TSPAN9: variants seen among roughly 807,000 people sequenced by gnomAD.
TSPAN9 encodes tetraspanin 9, also known as tetraspanin-9.
In TSPAN9, 16 loss-of-function variants were observed where a neutral mutation model predicts 31.0. That is an observed-to-expected ratio of 0.52 (90% confidence interval 0.35 to 0.78). TSPAN9 has a LOEUF of 0.78. Among genes scored for constraint, TSPAN9 ranks in the 30% least tolerant of loss-of-function variants. TSPAN9 has a pLI of 0.01. For missense variants in TSPAN9, 272 were observed against 312.5 expected, an observed-to-expected ratio of 0.87 and a Z score of 0.98; for synonymous variants, 145 against 121.6, an observed-to-expected ratio of 1.19 and a Z score of -1.27.
chr12:3,227,069 T>C (rs1416213301), intron 3 of TSPAN9, among the ~76,000 whole-genome samples: 2 of 151,772 alleles, frequency 1.3e-5, no homozygotes, highest in African/African-American at 4.8e-5. Flanking sequence ...TGGAACTGAA[T>C]CCTCGTCCCT....
At chr12:3,246,002 C>G (rs11062590) in intron 3 of TSPAN9, among the ~76,000 whole-genome samples, 24,182 of 151,848 alleles carry the variant, frequency 0.16, 2,872 homozygotes, top group African/African-American at 0.34. Flanking sequence ...AATAAATAAC[C>G]TGAGACTGGG....
intron 2 of TSPAN9, among the ~76,000 whole-genome samples, chr12:3,121,352 C>CTT (rs59198394): frequency 4.7e-4 from 51 of 108,296 alleles, no homozygotes; most frequent in Non-Finnish European, 6.9e-4. Flanking sequence ...GGGATGTTGG[C>CTT]TTTTTTTTTT....
intron 2 of TSPAN9, among the ~76,000 whole-genome samples, chr12:3,108,448 TAGC>T (rs2098315777): frequency 6.6e-6 from 1 of 152,206 alleles, no homozygotes; most frequent in Non-Finnish European, 1.5e-5. Context: ...CCTTTGAAGG[TAGC>T]ATGGCTTTTC....
chr12:3,102,435 A>ATTTTTTTTT (rs33918863), intron 2 of TSPAN9, among the ~76,000 whole-genome samples: 2,085 of 135,154 alleles, frequency 0.015, 78 homozygotes, highest in African/African-American at 0.055. Context: ...CCAAGGAGGA[A>ATTTTTTTTT]TTTTTTTTTT....
At chr12:3,255,402 C>T (rs1862327169) in intron 3 of TSPAN9, among the ~76,000 whole-genome samples, 1 of 152,200 alleles carries the variant, frequency 6.6e-6, no homozygotes, top group South Asian at 2.1e-4. Flanking sequence ...GTAATGGGAG[C>T]AGCGATCAGG....
Position 3,261,835 on chromosome 12 carries a change from G to A in TSPAN9, c.64-16586G>A, listed in dbSNP as rs74054948. Among the ~76,000 whole-genome samples, 1,505 of 152,322 alleles carry A rather than the reference G, an allele frequency of 9.9e-3. 21 individuals carry two copies. Among genetic ancestry groups the A allele is most frequent in the African/African-American group, 0.034 (1,414 of 41,568 alleles). ...CCAGTGTCCACAGACTGAGGACACT[G>A]GGCTTTGTGTGACTGTGAGGGCACC... On this transcript the variant is annotated intron_variant, in intron 3 of 8. Coordinates refer to ENST00000011898, the MANE Select transcript of TSPAN9 (RefSeq NM_006675.5).
Position 3,278,392 on chromosome 12 carries a change from C to T in TSPAN9, c.64-29C>T, listed in dbSNP as rs1398384325. ...CCATGGACGAATGTGAGAGCAGCGC[C>T]AGGCTAATGGGCTTTCCTTCCTTTC... On this transcript the variant is annotated intron_variant, in intron 3 of 8. Coordinates refer to ENST00000011898, the MANE Select transcript of TSPAN9 (RefSeq NM_006675.5). 5 of 1,612,058 alleles carry T rather than the reference C, an allele frequency of 3.1e-6. No homozygotes were observed. The South Asian group carries it at 4.4e-5, about 14-fold the overall frequency.
chr12:3,206,118 C>T (rs1276074819), intron 3 of TSPAN9, among the ~76,000 whole-genome samples: 1 of 152,184 alleles, frequency 6.6e-6, no homozygotes, highest in Non-Finnish European at 1.5e-5. Flanking sequence ...AGAAAACACC[C>T]TCCGGCCTGC....
chr12:3,189,855 G>A (rs577662290), intron 2 of TSPAN9, among the ~76,000 whole-genome samples: 9 of 152,220 alleles, frequency 5.9e-5, no homozygotes, highest in African/African-American at 1.9e-4. Context: ...CAGAGCAGCC[G>A]ATGGCAGTTC....
intron 2 of TSPAN9, among the ~76,000 whole-genome samples, chr12:3,128,059 G>A (rs998386720): frequency 1.3e-5 from 2 of 152,186 alleles, no homozygotes; most frequent in African/African-American, 2.4e-5. Context: ...TTTCAGCTCC[G>A]TTGTAATCTT....
intron 2 of TSPAN9, among the ~76,000 whole-genome samples, chr12:3,182,673 C>T (rs536502463): frequency 6.6e-6 from 1 of 152,314 alleles, no homozygotes; most frequent in South Asian, 2.1e-4. Flanking sequence ...AGACCTGCCC[C>T]TCAGGCTGTC....
At chr12:3,159,273 T>C (rs1003015237) in intron 2 of TSPAN9, among the ~76,000 whole-genome samples, 3 of 151,328 alleles carry the variant, frequency 2.0e-5, no homozygotes, top group Non-Finnish European at 2.9e-5. Context: ...AGCTGTGATT[T>C]GGGGCAAGCA....
chr12:3,142,529 T>C (rs1247555604), intron 2 of TSPAN9, among the ~76,000 whole-genome samples: 2 of 152,210 alleles, frequency 1.3e-5, no homozygotes, highest in East Asian at 1.9e-4. Flanking sequence ...CAGGGACAGC[T>C]GCCTGTGGTA....
At position 3,093,863 on chromosome 12, in the gene TSPAN9, C is replaced by G. The variant is rs563120438; in HGVS notation, c.-18+10144C>G. Reference sequence around the variant, plus strand: ...TGCTTTGTTTTATTGTTAATTTGTACTTATTTATTTATTTTTAAAGACAGG... The same window carrying G: ...TGCTTTGTTTTATTGTTAATTTGTAGTTATTTATTTATTTTTAAAGACAGG... On this transcript the variant is annotated intron_variant, in intron 2 of 8. Coordinates refer to ENST00000011898, the MANE Select transcript of TSPAN9 (RefSeq NM_006675.5). 1.4e-3 allele frequency among the ~76,000 whole-genome samples: 219 copies of G among 152,110 alleles called. 1 individual carries two copies. Among genetic ancestry groups the G allele is most frequent in the Non-Finnish European group, 2.5e-3 (170 of 68,010 alleles).
chr12:3,211,607 T>A (rs1302146462), intron 3 of TSPAN9: 62 of 1,108,912 alleles, frequency 5.6e-5, no homozygotes, highest in Non-Finnish European at 7.8e-5. Context: ...TTTTTTTTTT[T>A]TATCCAAAAT....
chr12:3,127,117 C>A (rs1441939471), intron 2 of TSPAN9, among the ~76,000 whole-genome samples: 1 of 151,112 alleles, frequency 6.6e-6, no homozygotes, highest in Non-Finnish European at 1.5e-5. Context: ...AAATATTTTT[C>A]TGGCCAGGTG....
chr12:3,211,766 T>A (rs1030091000), intron 3 of TSPAN9: 2 of 1,597,740 alleles, frequency 1.3e-6, no homozygotes, highest in Admixed American at 3.3e-5. Context: ...AACTACTGTT[T>A]GTGCATGGCT....
At chr12:3,094,739 T>C (rs1040306103) in intron 2 of TSPAN9, among the ~76,000 whole-genome samples, 1 of 151,876 alleles carries the variant, frequency 6.6e-6, no homozygotes, top group Non-Finnish European at 1.5e-5. Flanking sequence ...TTCTCCATGT[T>C]GGTCAGGCTG....
At position 3,186,179 on chromosome 12, in the gene TSPAN9, C is replaced by T. The variant is rs555427119; in HGVS notation, c.-17-14998C>T. Among the ~76,000 whole-genome samples, 4 of 152,326 alleles carry T rather than the reference C, an allele frequency of 2.6e-5. No individual in the cohort carries two copies. The South Asian group carries it at 8.3e-4, about 32-fold the overall frequency. ...CGCCAGTTGCCTGCTCTTGGGAAGC[C>T]AAGATGGCACCTAGGGGTTTGGGAG... On this transcript the variant is annotated intron_variant, in intron 2 of 8. Transcript: ENST00000011898.
Sources: gnomAD v4.1 joint callset for allele counts (sites outside exome capture counted in the v4.1 genomes callset) on GRCh38, gnomAD v4.1.1 for gene constraint, MANE v1.5 for transcripts, NCBI Gene and HGNC (gene_info 2026-07-23, HGNC 2026-07-21) for gene names.